AUTS2: variants seen among roughly 807,000 people sequenced by gnomAD.
AUTS2 encodes autism susceptibility gene 2 protein.
AUTS2 carries 17 observed loss-of-function variants against 112.4 expected under a neutral mutation model. The observed-to-expected ratio is 0.15, with a 90% CI of 0.10 to 0.23. AUTS2 has a LOEUF of 0.23. Among genes scored for constraint, AUTS2 ranks in the 10% least tolerant of loss-of-function variants. The pLI is 1.00. For synonymous variants in AUTS2, 751 were observed against 702.7 expected, an observed-to-expected ratio of 1.07 and a Z score of -1.09; for missense variants, 1,510 against 1,701.6, an observed-to-expected ratio of 0.89 and a Z score of 1.98.
chr7:70,788,155 CTATT>C (rs1361859557), intron 18 of AUTS2, among the ~76,000 whole-genome samples: 7 of 151,840 alleles, frequency 4.6e-5, no homozygotes, highest in Admixed American at 3.3e-4. Context: ...TTTCTTTAGG[CTATT>C]TATTTTCACT....
At chr7:70,177,899 C>G (rs1322778164) in intron 4 of AUTS2, among the ~76,000 whole-genome samples, 1 of 150,268 alleles carries the variant, frequency 6.7e-6, no homozygotes, top group Non-Finnish European at 1.5e-5. Context: ...GGTTCATCTT[C>G]TACCGTTAAC....
chr7:70,784,943 T>C lies in AUTS2; in HGVS notation c.2148T>C (p.Gly716=). ...ARPSTLFSAA[G]AAHPTGTPFG... The stretch of plus-strand genomic sequence containing the variant: ...GTTTCGTTATGTTTGACTTAACAGG[T>C]GCTGCACACCCAACTGGGACCCCTT... Residue 716 remains glycine, a splice_region_variant and synonymous_variant, in exon 16 of 19, where the codon GGT becomes GGC. Coordinates refer to ENST00000342771, the MANE Select transcript of AUTS2 (RefSeq NM_015570.4). The C allele has an allele frequency of 6.2e-7, 1 of 1,614,106 alleles. No individual in the cohort carries two copies. The highest frequency in any genetic ancestry group is 2.2e-5 in the East Asian group (1 of 44,858).
intron 1 of AUTS2, among the ~76,000 whole-genome samples, chr7:69,602,040 A>ATATATGTG (rs1474403063): frequency 1.2e-3 from 57 of 46,246 alleles, no homozygotes; most frequent in Non-Finnish European, 2.2e-3. Context: ...ATATATATAT[A>ATATATGTG]TGTGTGTGTG....
At chr7:70,114,812 AAAAG>A (rs1805274504) in intron 2 of AUTS2, among the ~76,000 whole-genome samples, 3 of 152,244 alleles carry the variant, frequency 2.0e-5, no homozygotes, top group Admixed American at 6.5e-5. Flanking sequence ...AGAAAAAAAA[AAAAG>A]AAAGAAAATA....
chr7:70,242,223 G>A (rs543625632), intron 4 of AUTS2, among the ~76,000 whole-genome samples: 36 of 152,296 alleles, frequency 2.4e-4, no homozygotes, highest in Non-Finnish European at 1.6e-4. Flanking sequence ...CCTCCATACT[G>A]TGTAGAGGAG....
chr7:70,264,685 G>A (rs532936439), intron 4 of AUTS2, among the ~76,000 whole-genome samples: 4 of 152,274 alleles, frequency 2.6e-5, no homozygotes, highest in South Asian at 4.1e-4. Context: ...GTTGGAGTAC[G>A]GTGAGTAACA....
At chr7:70,015,669 C>T (rs936105188) in intron 2 of AUTS2, among the ~76,000 whole-genome samples, 4 of 152,024 alleles carry the variant, frequency 2.6e-5, no homozygotes, top group Non-Finnish European at 2.9e-5. Context: ...AATACACAAA[C>T]GAAATGAAAT....
chr7:70,140,483 C>T (rs911661884), intron 4 of AUTS2, among the ~76,000 whole-genome samples: 8 of 152,246 alleles, frequency 5.3e-5, no homozygotes, highest in Admixed American at 5.2e-4. Flanking sequence ...TTCAGAAGTA[C>T]AGATACATCA....
At chr7:70,191,786 C>G (rs1372407252) in intron 4 of AUTS2, among the ~76,000 whole-genome samples, 1 of 151,966 alleles carries the variant, frequency 6.6e-6, no homozygotes, top group Non-Finnish European at 1.5e-5. Flanking sequence ...AAAGGCCAGG[C>G]CCGGTGGCTC....
At chr7:70,613,613 G>T (rs1475048880) in intron 5 of AUTS2, among the ~76,000 whole-genome samples, 1 of 152,150 alleles carries the variant, frequency 6.6e-6, no homozygotes, top group Non-Finnish European at 1.5e-5. Flanking sequence ...TGACCCCAGG[G>T]ATGGACAGAA....
At chr7:70,336,152 A>T (rs1228270710) in intron 4 of AUTS2, among the ~76,000 whole-genome samples, 1 of 152,222 alleles carries the variant, frequency 6.6e-6, no homozygotes, top group Admixed American at 6.5e-5. Flanking sequence ...CTTCTTTTTA[A>T]AATAATTGGT....
Position 70,001,445 on chromosome 7 carries a change from T to G in AUTS2, c.522+101947T>G, listed in dbSNP as rs149408920. Among the ~76,000 whole-genome samples, 155 of 152,022 alleles carry G rather than the reference T, an allele frequency of 1.0e-3. 3 individuals are homozygous for G. In the Middle Eastern group the frequency reaches 0.017, roughly 17 times the overall value. ...GGCCAAGTTTTTTTCTGATAAAGACTATAAAGGGAAGGTAGGGAAAGGTGA... is the reference window on the plus strand; with the variant it reads ...GGCCAAGTTTTTTTCTGATAAAGACGATAAAGGGAAGGTAGGGAAAGGTGA... On this transcript the variant is annotated intron_variant, in intron 2 of 18. Coordinates refer to ENST00000342771, the MANE Select transcript of AUTS2 (RefSeq NM_015570.4).
In AUTS2 at chr7:70,790,050, G is replaced by T; in HGVS notation, c.2834G>T (p.Arg945Leu). ...GCCCGGGTGCCGTCTCCCTACGTGC[G>T]GACCCCGGTGGTGGAGAGTGCCAGG... is the stretch of plus-strand genomic sequence containing the variant. ...QLARVPSPYV[R>L]TPVVESARPN... is the part of the protein sequence containing the mutation. The change falls in exon 19 of 19, where the codon CGG (arginine) becomes CTG (leucine). Residue 945 changes from arginine (R) to leucine (L), a missense_variant. Around this residue, in one of 3 missense-constraint regions of AUTS2, gnomAD observed 788 missense variants for 797.6 expected, o/e 0.99. Transcript: ENST00000342771. This position sits in a 1 kb window ranked among gnomAD's most constrained non-coding sequence, Gnocchi z 7.6. The T allele has an allele frequency of 6.3e-7, 1 of 1,577,738 alleles. No homozygotes were observed. The highest frequency in any genetic ancestry group is 8.6e-7 in the Non-Finnish European group (1 of 1,163,370).
At chr7:70,485,922 C>A (rs1004991085) in intron 5 of AUTS2, among the ~76,000 whole-genome samples, 1 of 151,700 alleles carries the variant, frequency 6.6e-6, no homozygotes, top group Non-Finnish European at 1.5e-5. Context: ...GAATTCGACT[C>A]TACATTGAAA....
In AUTS2 at chr7:70,109,085, T is replaced by C. The variant is rs112321656; in HGVS notation, c.523-9047T>C. Among the ~76,000 whole-genome samples the C allele has an allele frequency of 4.3e-4, 65 of 152,326 alleles. 5 individuals carry two copies. The highest frequency in any genetic ancestry group is 1.4e-3 in the African/African-American group (60 of 41,576). On this transcript the variant is annotated intron_variant, in intron 2 of 18. Coordinates refer to ENST00000342771, the MANE Select transcript of AUTS2 (RefSeq NM_015570.4). ...GTGTTAGAATGGGAAAAACAAAAGA[T>C]AGAAGACATTTTCTATTTGAGAGTG... is the stretch of plus-strand genomic sequence containing the variant.
At chr7:70,045,482 CA>C (rs1801459058) in intron 2 of AUTS2, among the ~76,000 whole-genome samples, 1 of 151,960 alleles carries the variant, frequency 6.6e-6, no homozygotes, top group Admixed American at 6.6e-5. Context: ...ACTGTATCAT[CA>C]AAATTAATTT....
At chr7:70,372,697 A>T (rs1792893977) in intron 4 of AUTS2, among the ~76,000 whole-genome samples, 1 of 150,632 alleles carries the variant, frequency 6.6e-6, no homozygotes, top group African/African-American at 2.4e-5. Context: ...TTAAACTGCA[A>T]CCTGGAAAGA....
intron 5 of AUTS2, among the ~76,000 whole-genome samples, chr7:70,652,048 G>A (rs559203854): frequency 1.7e-4 from 26 of 152,278 alleles, no homozygotes; most frequent in African/African-American, 4.8e-4. Flanking sequence ...GTTGCACGTT[G>A]CTCTAATCCC....
At chr7:70,363,566 G>T (rs530365529) in intron 4 of AUTS2, among the ~76,000 whole-genome samples, 13 of 150,002 alleles carry the variant, frequency 8.7e-5, no homozygotes, top group African/African-American at 3.2e-4. Context: ...TTTAAATTAA[G>T]ATATTTATGC....
Sources: allele counts gnomAD v4.1 joint callset (sites outside exome capture counted in the v4.1 genomes callset), GRCh38; gene constraint gnomAD v4.1.1; regional missense constraint gnomAD v4.1.1; non-coding constraint Gnocchi (gnomAD v3.1); transcripts MANE v1.5; gene names NCBI Gene and HGNC (gene_info 2026-07-23, HGNC 2026-07-21).